The following JAKMIP1 variants were observed in gnomAD, a reference collection of about 807,000 sequenced individuals.
The protein encoded by JAKMIP1 is janus kinase and microtubule interacting protein 1, also known as janus kinase and microtubule-interacting protein 1.
JAKMIP1 carries 33 observed loss-of-function variants against 113.0 expected under a neutral mutation model. That is an observed-to-expected ratio of 0.29 (90% CI 0.22 to 0.39). The LOEUF is 0.39. JAKMIP1 is among the 10% of genes least tolerant of loss of function. The probability of loss-of-function intolerance (pLI) is 1.00; values close to 1 mark genes in which losing one functional copy is unlikely to be tolerated. For missense variants in JAKMIP1, 813 were observed against 1,080.5 expected, an observed-to-expected ratio of 0.75 and a Z score of 3.47; for synonymous variants, 480 against 459.9, an observed-to-expected ratio of 1.04 and a Z score of -0.56.
rs139538873 is a variant in JAKMIP1 at position 6,042,890 on chromosome 4, C to T, written c.2029-663G>A. Among the ~76,000 whole-genome samples, 89 of 152,094 alleles carry T rather than the reference C, an allele frequency of 5.9e-4. No individual in the cohort carries two copies. In the Middle Eastern group the frequency reaches 0.01, roughly 17 times the overall value. ...CATGAGGGCGCAGGCACGGAGAGTA[C>T]GGGGTGAACAGGCGGGGCGTGCACC... On this transcript the variant is annotated intron_variant, in intron 16 of 20. Transcript: ENST00000409021. The surrounding 1 kb of genome is among the most constrained non-coding windows in gnomAD (Gnocchi z 5.2).
chr4:6,057,982 C>T (rs28409056), intron 11 of JAKMIP1, among the ~76,000 whole-genome samples: 38,683 of 152,264 alleles, frequency 0.25, 6,906 homozygotes, highest in African/African-American at 0.51. Context: ...GCAAATAGAA[C>T]CCCTGCTGTT....
In JAKMIP1 at chr4:6,085,456, G is replaced by C; in HGVS notation, c.798C>G (p.Pro266=). 2.5e-6 allele frequency: 4 copies of C among 1,613,914 alleles called. No homozygotes were observed. Among genetic ancestry groups the C allele is most frequent in the South Asian group, 1.1e-5 (1 of 91,084 alleles). ...TGAGCTCCACCATGTCCCCGATCCC[G>C]GGCGGGAGCTCTCTCTTTGGACTAC... ...HHSSPKRELP[P]GIGDMVELMG... The change falls in exon 4 of 21, where the codon CCC becomes CCG. Residue 266 remains proline (P), a synonymous_variant. Transcript: ENST00000409021.
intron 8 of JAKMIP1, among the ~76,000 whole-genome samples, chr4:6,066,113 C>CT (rs1392361790): frequency 2.0e-5 from 3 of 152,128 alleles, no homozygotes; most frequent in Non-Finnish European, 4.4e-5. Flanking sequence ...GCCCAAGGCT[C>CT]TGCTGGCTCA....
Position 6,140,679 on chromosome 4 carries a change from A to G in JAKMIP1, c.-147-27682T>C, listed in dbSNP as rs1330009631. Among the ~76,000 whole-genome samples, 4 of 152,132 alleles carry G rather than the reference A, an allele frequency of 2.6e-5. No individual in the cohort carries two copies. Among genetic ancestry groups the G allele is most frequent in the Admixed American group, 2.6e-4 (4 of 15,280 alleles). On this transcript the variant is annotated intron_variant, in intron 1 of 20. Transcript: ENST00000409021. The surrounding 1 kb of genome is among the most constrained non-coding windows in gnomAD (Gnocchi z 9.4). ...CTGTCTTCTCCAAGACATTTTCCACAATGAAAATGTAATGCTTTTACCTGG... is the reference window on the plus strand; with the variant it reads ...CTGTCTTCTCCAAGACATTTTCCACGATGAAAATGTAATGCTTTTACCTGG...
Position 6,093,859 on chromosome 4 carries a change from C to A in JAKMIP1, c.625-8230G>T, listed in dbSNP as rs1366696442. The stretch of plus-strand genomic sequence containing the variant: ...GGCCCAGTGCCTCTGCCCACCACCA[C>A]TCAATGTGTCTGGTCAACCTGTGTG... On this transcript the variant is annotated intron_variant, in intron 3 of 20. Transcript: ENST00000409021. The surrounding 1 kb of genome is among the most constrained non-coding windows in gnomAD (Gnocchi z 4.6). 4.6e-5 allele frequency among the ~76,000 whole-genome samples: 7 copies of A among 152,158 alleles called. No individual in the cohort carries two copies. The highest frequency in any genetic ancestry group is 1.0e-4 in the Non-Finnish European group (7 of 68,022).
intron 3 of JAKMIP1, among the ~76,000 whole-genome samples, chr4:6,096,979 G>C (rs2108853812): frequency 6.6e-6 from 1 of 152,216 alleles, no homozygotes; most frequent in Admixed American, 6.5e-5. Flanking sequence ...GGGTTGTTTG[G>C]CATCACCATC....
chr4:6,146,235 G>GT lies in JAKMIP1; in HGVS notation c.-147-33239_-147-33238insA, dbSNP rs397969441. 2.3e-5 allele frequency among the ~76,000 whole-genome samples: 3 copies of GT among 131,676 alleles called. 1 individual carries two copies. Among genetic ancestry groups the GT allele is most frequent in the Non-Finnish European group, 3.2e-5 (2 of 61,580 alleles). The allele number at this position is 131,676 out of a possible 152,430, so 86.4% of individuals were successfully genotyped here. Reference sequence around the variant, plus strand: ...AATGATAGCTGCCAGGGGCTGGGGGGAGGTTGCGGGGGGATGAGGAATTGT... The same window carrying GT: ...AATGATAGCTGCCAGGGGCTGGGGGGTAGGTTGCGGGGGGATGAGGAATTGT... On this transcript the variant is annotated intron_variant, in intron 1 of 20. Coordinates refer to ENST00000409021, the MANE Select transcript of JAKMIP1 (RefSeq NM_001099433.2).
In JAKMIP1 at chr4:6,176,798, C is replaced by T. The variant is rs981467548; in HGVS notation, c.-148+23455G>A. On this transcript the variant is annotated intron_variant, in intron 1 of 20. Transcript: ENST00000409021. This position sits in a 1 kb window ranked among gnomAD's most constrained non-coding sequence, Gnocchi z 5.5. ...TGTAATCCTAGCACTTTTTGGGGGC[C>T]GAGGCAGGCGGATCACTTGAGCCCA... 6.6e-6 allele frequency among the ~76,000 whole-genome samples: 1 copy of T among 152,064 alleles called. No homozygotes were observed. The highest frequency in any genetic ancestry group is 2.4e-5 in the African/African-American group (1 of 41,396).
intron 1 of JAKMIP1, among the ~76,000 whole-genome samples, chr4:6,120,326 C>T (rs1429687883): frequency 6.6e-6 from 1 of 152,176 alleles, no homozygotes; most frequent in Non-Finnish European, 1.5e-5. Flanking sequence ...ATTCCTACCC[C>T]AGGCGCAGTA....
At position 6,064,141 on chromosome 4, in the gene JAKMIP1, G is replaced by A. The variant is rs2108790282; in HGVS notation, c.1431+739C>T. ...TGACGCAGGCCCTGGTGGGGAGCAA[G>A]GGGAAGGTCTGCGCTGAATGAAGTC... On this transcript the variant is annotated intron_variant, in intron 9 of 20. Coordinates refer to ENST00000409021, the MANE Select transcript of JAKMIP1 (RefSeq NM_001099433.2). This position sits in a 1 kb window ranked among gnomAD's most constrained non-coding sequence, Gnocchi z 4.3. 6.6e-6 allele frequency among the ~76,000 whole-genome samples: 1 copy of A among 152,368 alleles called. No individual in the cohort carries two copies. The highest frequency in any genetic ancestry group is 1.5e-5 in the Non-Finnish European group (1 of 68,032).
chr4:6,039,191 G>T (rs1415795656), intron 18 of JAKMIP1, among the ~76,000 whole-genome samples: 1 of 152,176 alleles, frequency 6.6e-6, no homozygotes, highest in Non-Finnish European at 1.5e-5. Flanking sequence ...ATTCTTAGGG[G>T]CCCCTCAGGC....
At position 6,061,333 on chromosome 4, in the gene JAKMIP1, C is replaced by T. The variant is rs1429118258; in HGVS notation, c.1561-826G>A. On this transcript the variant is annotated intron_variant, in intron 10 of 20. Transcript: ENST00000409021. This position sits in a 1 kb window ranked among gnomAD's most constrained non-coding sequence, Gnocchi z 5.3. ...TATGGTGGGACAAGCAGCTTCCCTC[C>T]CTGCTGACCTCACTCCCCCTTACTC... Among the ~76,000 whole-genome samples, 1 of 152,198 alleles carries T rather than the reference C, an allele frequency of 6.6e-6. No individual in the cohort carries two copies. The highest frequency in any genetic ancestry group is 1.5e-5 in the Non-Finnish European group (1 of 68,044).
At position 6,040,767 on chromosome 4, in the gene JAKMIP1, T is replaced by C. The variant is rs1714199466; in HGVS notation, c.2098-51A>G. ...GGACCAGCGTCAGAACAGGAATCCA[T>C]GACAGCTTCAGAGCCCGTTTGCTAG... On this transcript the variant is annotated intron_variant, in intron 17 of 20. Transcript: ENST00000409021. The surrounding 1 kb of genome is among the most constrained non-coding windows in gnomAD (Gnocchi z 5.8). 2.1e-6 allele frequency: 3 copies of C among 1,458,114 alleles called. No individual in the cohort carries two copies. The East Asian group carries it at 6.8e-5, about 33-fold the overall frequency. 90.3% of individuals were successfully genotyped at this position (1,458,114 alleles called of 1,614,324 possible).
rs1360704470 is a variant in JAKMIP1 at position 6,080,334 on chromosome 4, C to A, written c.1102-22G>T. On this transcript the variant is annotated intron_variant, in intron 6 of 20. Coordinates refer to ENST00000409021, the MANE Select transcript of JAKMIP1 (RefSeq NM_001099433.2). This position sits in a 1 kb window ranked among gnomAD's most constrained non-coding sequence, Gnocchi z 6.0. ...CTTTCTGCAGCCACAGGGAGACAGA[C>A]CACCACAGGGTTACCCGCCAACAGT... The A allele has an allele frequency of 6.2e-7, 1 of 1,611,456 alleles. No homozygotes were observed. Among genetic ancestry groups the A allele is most frequent in the African/African-American group, 1.3e-5 (1 of 74,902 alleles).
rs780053526 is a variant in JAKMIP1, at chr4:6,036,147, G to A, written c.2176-40C>T. The A allele has an allele frequency of 2.4e-5, 35 of 1,461,402 alleles. No homozygotes were observed. The African/African-American group carries it at 4.6e-4, about 19-fold the overall frequency. 90.5% of individuals were successfully genotyped at this position (1,461,402 alleles called of 1,614,324 possible). Reference sequence around the variant, plus strand: ...TCACACAGACAGAGGAAGGTCACAAGGAGGTGGACAGGAACCACCAGAAGG... The same window carrying A: ...TCACACAGACAGAGGAAGGTCACAAAGAGGTGGACAGGAACCACCAGAAGG... On this transcript the variant is annotated intron_variant, in intron 18 of 20. Coordinates refer to ENST00000409021, the MANE Select transcript of JAKMIP1 (RefSeq NM_001099433.2).
chr4:6,035,368 A>C (rs951790265), intron 19 of JAKMIP1, among the ~76,000 whole-genome samples: 5 of 152,104 alleles, frequency 3.3e-5, no homozygotes, highest in African/African-American at 1.2e-4. Context: ...AGCGCCCGAC[A>C]AATGCTCTGC....
chr4:6,073,698 C>G (rs950079745), intron 8 of JAKMIP1, among the ~76,000 whole-genome samples: 2 of 152,178 alleles, frequency 1.3e-5, no homozygotes, highest in Non-Finnish European at 2.9e-5. Context: ...ATATAATGTT[C>G]ATTTTAAGAA....
At chr4:6,109,421 C>A (rs1441917962) in intron 2 of JAKMIP1, among the ~76,000 whole-genome samples, 1 of 151,892 alleles carries the variant, frequency 6.6e-6, no homozygotes, top group Non-Finnish European at 1.5e-5. Context: ...GCATGAGCCA[C>A]TGCGGAGCCT....
In JAKMIP1 at chr4:6,059,211, C is replaced by T. The variant is rs567131761; in HGVS notation, c.1644+1213G>A. On this transcript the variant is annotated intron_variant, in intron 11 of 20. Coordinates refer to ENST00000409021, the MANE Select transcript of JAKMIP1 (RefSeq NM_001099433.2). This position sits in a 1 kb window ranked among gnomAD's most constrained non-coding sequence, Gnocchi z 4.8. ...AGGGCTGGGCACTCACATTCCCCCA[C>T]GCAGTCCATTGGTAAAGTCTGCTGT... Among the ~76,000 whole-genome samples the T allele has an allele frequency of 9.8e-4, 150 of 152,306 alleles. No homozygotes were observed. Among genetic ancestry groups the T allele is most frequent in the Non-Finnish European group, 7.5e-4 (51 of 68,036 alleles).
Sources: gnomAD v4.1 joint callset for allele counts (sites outside exome capture counted in the v4.1 genomes callset) on GRCh38, gnomAD v4.1.1 for gene constraint, Gnocchi (gnomAD v3.1) non-coding constraint, MANE v1.5 for transcripts, NCBI Gene and HGNC (gene_info 2026-07-23, HGNC 2026-07-21) for gene names.